ZBTB44: variants seen among roughly 807,000 people sequenced by gnomAD.
ZBTB44 encodes the protein zinc finger and BTB domain-containing protein 44.
Under a neutral mutation model 54.0 loss-of-function variants are expected in ZBTB44, and 15 were observed. The ratio of observed to expected loss-of-function variants is 0.28; its 90% confidence interval spans 0.19 to 0.43. The LOEUF (loss-of-function observed/expected upper bound fraction) is 0.43, where lower values mean the gene tolerates loss of function less well. ZBTB44 is among the 20% of genes least tolerant of loss of function. The pLI is 1.00. For missense variants in ZBTB44, 487 were observed against 707.1 expected (o/e 0.69, Z 3.53); for synonymous variants, 230 against 250.1 (o/e 0.92, Z 0.76).
At position 130,261,970 on chromosome 11, in the gene ZBTB44, T is replaced by C. The variant is rs1938892831; in HGVS notation, c.-56-41A>G. On this transcript the variant is annotated intron_variant, in intron 1 of 7. Coordinates refer to ENST00000357899, the MANE Select transcript of ZBTB44 (RefSeq NM_001301098.2). The surrounding 1 kb of genome is among the most constrained non-coding windows in gnomAD (Gnocchi z 4.8). ...AATAAAGCATTAATTGATATTTTAG[T>C]GGTTTAAAATGTGATTTAGATCATT... The C allele has an allele frequency of 7.5e-7, 1 of 1,324,604 alleles. No homozygotes were observed. The highest frequency in any genetic ancestry group is 1.6e-5 in the South Asian group (1 of 63,650). 82.1% of individuals were successfully genotyped at this position (1,324,604 alleles called of 1,614,324 possible). A position where few individuals can be genotyped will look rare whatever the true frequency, so the allele number is the denominator to read the frequency against.
chr11:130,233,015 GAAAAAA>G (rs931632488), intron 7 of ZBTB44: 1 of 227,460 alleles, frequency 4.4e-6, no homozygotes, highest in Non-Finnish European at 8.2e-6. Flanking sequence ...TAAAAAAAAA[GAAAAAA>G]AAAAAGAATG....
intron 1 of ZBTB44, among the ~76,000 whole-genome samples, chr11:130,299,588 A>G (rs917269944): frequency 7.2e-5 from 11 of 151,996 alleles, no homozygotes; most frequent in African/African-American, 2.7e-4. Context: ...TGGTCTCTAA[A>G]TATCAATGAC....
intron 1 of ZBTB44, among the ~76,000 whole-genome samples, chr11:130,294,862 C>T (rs1269348354): frequency 6.6e-6 from 1 of 152,204 alleles, no homozygotes; most frequent in African/African-American, 2.4e-5. Context: ...TGGCTCCTTA[C>T]ATGAGCAAGT....
chr11:130,263,467 G>A (rs1193261479), intron 1 of ZBTB44, among the ~76,000 whole-genome samples: 1 of 152,186 alleles, frequency 6.6e-6, no homozygotes, highest in Non-Finnish European at 1.5e-5. Context: ...TGCTTACTTT[G>A]GGATCATGTG....
chr11:130,253,419 C>A (rs1253388090), intron 2 of ZBTB44, among the ~76,000 whole-genome samples: 2 of 152,092 alleles, frequency 1.3e-5, no homozygotes, highest in African/African-American at 4.8e-5. Flanking sequence ...TTCTTATATA[C>A]CAATAACAGA....
chr11:130,236,642 C>CAGG, intron 5 of ZBTB44, 151 bp downstream of exon 5: 1 of 763,292 alleles, frequency 1.3e-6, no homozygotes, highest in Non-Finnish European at 1.8e-6. Flanking sequence ...TTTATCAGAT[C>CAGG]AGGAGATTAG....
In ZBTB44 at chr11:130,251,193, CAG is replaced by C. The variant is rs1362787003; in HGVS notation, c.1018+9661_1018+9662del. Among the ~76,000 whole-genome samples, 4 of 152,024 alleles carry C rather than the reference CAG, an allele frequency of 2.6e-5. No individual in the cohort carries two copies. In the East Asian group the frequency reaches 5.8e-4, roughly 22 times the overall value. On this transcript the variant is annotated intron_variant, in intron 2 of 7. Coordinates refer to ENST00000357899, the MANE Select transcript of ZBTB44 (RefSeq NM_001301098.2). The stretch of plus-strand genomic sequence containing the variant: ...AATGGATCAAGCGGAAGAAAGATAA[CAG>C]AGAATGAAGATCAACTTACTGAAAT...
At chr11:130,253,948 AC>A (rs1464127284) in intron 2 of ZBTB44, among the ~76,000 whole-genome samples, 2 of 152,346 alleles carry the variant, frequency 1.3e-5, no homozygotes, top group East Asian at 3.9e-4. Context: ...GACAAACCTG[AC>A]AAAAACAAGA....
intron 1 of ZBTB44, among the ~76,000 whole-genome samples, chr11:130,282,117 C>G: frequency 6.6e-6 from 1 of 152,130 alleles, no homozygotes; most frequent in Admixed American, 6.5e-5. Context: ...TAATAAGCAG[C>G]AGTTAAGGTT....
At position 130,231,136 on chromosome 11, in the gene ZBTB44, A is replaced by G. The variant is rs926098563; in HGVS notation, c.*628T>C. ...TGGCTATCTCTTTGCAATATTTTCA[A>G]TATGTCCTGGTAAAAATTATGCATC... On this transcript the variant is annotated 3_prime_UTR_variant, in exon 8 of 8. Transcript: ENST00000357899. 3 of 152,098 alleles carry G rather than the reference A, an allele frequency of 2.0e-5. No individual in the cohort carries two copies. Among genetic ancestry groups the G allele is most frequent in the African/African-American group, 4.8e-5 (2 of 41,444 alleles). 9.4% of individuals were successfully genotyped at this position (152,098 alleles called of 1,614,324 possible). A position where few individuals can be genotyped will look rare whatever the true frequency, so the allele number is the denominator to read the frequency against.
At chr11:130,312,229 A>G (rs1176391667) in intron 1 of ZBTB44, among the ~76,000 whole-genome samples, 2 of 152,192 alleles carry the variant, frequency 1.3e-5, no homozygotes, top group Non-Finnish European at 2.9e-5. Context: ...ACTAAGCAAA[A>G]GATTGTCAGA....
intron 1 of ZBTB44, chr11:130,310,491 G>T (rs574925692): frequency 8.0e-4 from 120 of 149,624 alleles, no homozygotes; most frequent in African/African-American, 3.0e-3. Flanking sequence ...AAAAAAAAAA[G>T]TAAGCATGGA....
intron 2 of ZBTB44, among the ~76,000 whole-genome samples, chr11:130,249,658 G>A (rs1265328078): frequency 1.3e-5 from 2 of 152,188 alleles, no homozygotes; most frequent in African/African-American, 4.8e-5. Flanking sequence ...GCAGAAGCAG[G>A]GTGGGGCGTT....
rs1211601012 is a variant in ZBTB44, at chr11:130,226,926, A to G, written c.*4838T>C. 2.0e-5 allele frequency: 3 copies of G among 152,226 alleles called. No individual in the cohort carries two copies. The highest frequency in any genetic ancestry group is 2.1e-4 in the South Asian group (1 of 4,832). 9.4% of individuals were successfully genotyped at this position (152,226 alleles called of 1,614,324 possible). A position where few individuals can be genotyped will look rare whatever the true frequency, so the allele number is the denominator to read the frequency against. On this transcript the variant is annotated 3_prime_UTR_variant, in exon 8 of 8. Transcript: ENST00000357899. ...AAGGTACTCAATACATATTTTCCTT[A>G]TATCAAACAAGCTAATTTCAGTACA...
rs1381540436 is a variant in ZBTB44, at chr11:130,231,439, T to C, written c.*325A>G. On this transcript the variant is annotated 3_prime_UTR_variant, in exon 8 of 8. Transcript: ENST00000357899. The stretch of plus-strand genomic sequence containing the variant: ...AGTATATTCAGATTTCCCATAAAAC[T>C]TGGCAATGTGTATTACCAGTGAAAA... The C allele has an allele frequency of 6.6e-6, 1 of 152,148 alleles. No homozygotes were observed. Among genetic ancestry groups the C allele is most frequent in the Non-Finnish European group, 1.5e-5 (1 of 68,002 alleles). 9.4% of individuals were successfully genotyped at this position (152,148 alleles called of 1,614,324 possible).
In ZBTB44 at chr11:130,236,639, G is replaced by A. The variant is rs1954122469; in HGVS notation, c.1568+154C>T. 4 of 750,686 alleles carry A rather than the reference G, an allele frequency of 5.3e-6. No individual in the cohort carries two copies. The South Asian group carries it at 1.6e-4, about 31-fold the overall frequency. The allele number at this position is 750,686 out of a possible 1,614,324, so 46.5% of individuals were successfully genotyped here. A position where few individuals can be genotyped will look rare whatever the true frequency, so the allele number is the denominator to read the frequency against. On this transcript the variant is annotated intron_variant, in intron 5 of 7. Transcript: ENST00000357899. ...TAGAAGACTCAGCAAAATTTTATCA[G>A]ATCAGGAGATTAGAGTATGAACAGT... is the stretch of plus-strand genomic sequence containing the variant.
chr11:130,298,667 T>C (rs1941813403), intron 1 of ZBTB44, among the ~76,000 whole-genome samples: 1 of 151,420 alleles, frequency 6.6e-6, no homozygotes, highest in African/African-American at 2.4e-5. Flanking sequence ...TTCACCATGT[T>C]GGCCAAGCTG....
At chr11:130,234,588 T>C (rs1260274618) in intron 5 of ZBTB44, among the ~76,000 whole-genome samples, 1 of 152,212 alleles carries the variant, frequency 6.6e-6, no homozygotes, top group African/African-American at 2.4e-5. Context: ...AAAACAAATG[T>C]AGCATGCTCA....
chr11:130,241,073 T>C (rs1179224611), intron 2 of ZBTB44, among the ~76,000 whole-genome samples: 1 of 152,224 alleles, frequency 6.6e-6, no homozygotes, highest in Admixed American at 6.5e-5. Flanking sequence ...GTAACCAAAG[T>C]TTATTTTCAT....
Sources: allele counts gnomAD v4.1 joint callset (sites outside exome capture counted in the v4.1 genomes callset), GRCh38; gene constraint gnomAD v4.1.1; non-coding constraint Gnocchi (gnomAD v3.1); transcripts MANE v1.5; gene names NCBI Gene and HGNC (gene_info 2026-07-23, HGNC 2026-07-21).